SRCIN1: variants seen among roughly 807,000 people sequenced by gnomAD.
SRCIN1 encodes SRC kinase signaling inhibitor 1, also known as P130Cas-associated protein.
Under a neutral mutation model 116.2 loss-of-function variants are expected in SRCIN1, and 50 were observed. The ratio of observed to expected loss-of-function variants is 0.43; its 90% CI spans 0.34 to 0.54. The LOEUF (loss-of-function observed/expected upper bound fraction) is 0.54, where lower values mean the gene tolerates loss of function less well. Ranked by LOEUF, SRCIN1 falls within the 20% of genes least tolerant of loss-of-function variation. SRCIN1 has a pLI of 0.02. For missense variants in SRCIN1, 1,446 were observed against 1,672.0 expected (o/e 0.86, Z 2.36); for synonymous variants, 736 against 750.0 (o/e 0.98, Z 0.30).
At position 38,533,227 on chromosome 17, in the gene SRCIN1, T is replaced by A. The variant is rs1005655669; in HGVS notation, c.*70A>T. The A allele has an allele frequency of 7.1e-7, 1 of 1,418,090 alleles. No individual in the cohort carries two copies. 87.8% of individuals were successfully genotyped at this position (1,418,090 alleles called of 1,614,324 possible). On this transcript the variant is annotated 3_prime_UTR_variant, in exon 19 of 19. Coordinates refer to ENST00000617146, the MANE Select transcript of SRCIN1 (RefSeq NM_025248.3). ...AGAGTAGGGTGGGGTGGGGTGGAGA[T>A]GAAGGAAGAGAGGGGAGAAATGGCA...
At chr17:38,538,074 T>C (rs1904501875) in intron 18 of SRCIN1, among the ~76,000 whole-genome samples, 2 of 151,236 alleles carry the variant, frequency 1.3e-5, no homozygotes, top group Non-Finnish European at 2.9e-5. Flanking sequence ...CACTCCAGCC[T>C]GGGTGACAGA....
intron 1 of SRCIN1, among the ~76,000 whole-genome samples, chr17:38,583,615 C>T (rs760212874): frequency 6.0e-4 from 82 of 136,876 alleles, no homozygotes; most frequent in Admixed American, 1.1e-3. Context: ...TGCAATGGTG[C>T]GATCTCGGCT....
rs770179892 is a variant in SRCIN1, at chr17:38,559,710, C to CCGAGGG, written c.1894_1899dup (p.Pro632_Ser633dup). The CCGAGGG allele has an allele frequency of 6.3e-6, 10 of 1,582,008 alleles. No homozygotes were observed. The South Asian group carries it at 1.1e-4, about 18-fold the overall frequency. On this transcript the variant is annotated inframe_insertion, in exon 10 of 19. Coordinates refer to ENST00000617146, the MANE Select transcript of SRCIN1 (RefSeq NM_025248.3). ...GGCTGACCTGCGGGGGTGCTGCTGG[C>CCGAGGG]CGAGGGCGGGGGCGGGCCGGACACC...
intron 1 of SRCIN1, among the ~76,000 whole-genome samples, chr17:38,580,326 T>A (rs1233319641): frequency 6.6e-6 from 1 of 151,964 alleles, no homozygotes; most frequent in African/African-American, 2.4e-5. Flanking sequence ...CCCTGGGCAA[T>A]GGTTGGGTTG....
chr17:38,549,192 C>T lies in SRCIN1; in HGVS notation c.2981G>A (p.Arg994Gln). Residue 994 changes from arginine to glutamine, a missense_variant, in exon 16 of 19, where the codon CGA becomes CAA. Physicochemically the swap from Arg to Gln is conservative, Grantham distance 43 (BLOSUM62 1). Coordinates refer to ENST00000617146, the MANE Select transcript of SRCIN1 (RefSeq NM_025248.3). ...RRGSDELTVP[R>Q]YRTEKPSKSP... ...CTTGGAGGGCTTCTCTGTGCGGTATCGGGGCACGGTCAACTCATCTGCAGG... is the reference window on the plus strand; with the variant it reads ...CTTGGAGGGCTTCTCTGTGCGGTATTGGGGCACGGTCAACTCATCTGCAGG... The T allele has an allele frequency of 3.9e-6, 6 of 1,548,998 alleles. No homozygotes were observed. The highest frequency in any genetic ancestry group is 3.7e-5 in the South Asian group (3 of 82,170).
chr17:38,533,095 T>TAAAAAAAAAA lies in SRCIN1; in HGVS notation c.*192_*201dup, dbSNP rs79154508. On this transcript the variant is annotated 3_prime_UTR_variant, in exon 19 of 19. Transcript: ENST00000617146. The stretch of plus-strand genomic sequence containing the variant: ...AAAAAGATAATTAAAAGTTAATTGT[T>TAAAAAAAAAA]AAAAAAAAAAAAAAAAACAAAACCA... 7.7e-6 allele frequency: 2 copies of TAAAAAAAAAA among 260,652 alleles called. No individual in the cohort carries two copies. The highest frequency in any genetic ancestry group is 1.3e-5 in the Non-Finnish European group (2 of 157,254). The allele number at this position is 260,652 out of a possible 1,614,324, so 16.1% of individuals were successfully genotyped here. A position where few individuals can be genotyped will look rare whatever the true frequency, so the allele number is the denominator to read the frequency against.
intron 1 of SRCIN1, among the ~76,000 whole-genome samples, chr17:38,582,075 CAGA>C (rs1278130608): frequency 6.6e-6 from 1 of 152,192 alleles, no homozygotes; most frequent in Non-Finnish European, 1.5e-5. Flanking sequence ...CTGCCTGAGC[CAGA>C]AGGACCCCTG....
chr17:38,559,642 G>A lies in SRCIN1; in HGVS notation c.1968C>T (p.Gly656=). The part of the protein sequence containing the change: ...SRLQMQLHLR[G]LQNSASDLRG... ...GCAAGTCACTGGCGCTGTTCTGCAG[G>A]CCTCGCAGGTGAAGCTGCATCTGCA... Residue 656 remains glycine, a synonymous_variant, in exon 10 of 19, where the codon GGC becomes GGT. Transcript: ENST00000617146. 2 of 1,603,138 alleles carry A rather than the reference G, an allele frequency of 1.2e-6. No homozygotes were observed. The highest frequency in any genetic ancestry group is 1.1e-5 in the South Asian group (1 of 90,938).
chr17:38,569,100 T>A (rs965570375), intron 2 of SRCIN1, among the ~76,000 whole-genome samples: 4 of 152,020 alleles, frequency 2.6e-5, no homozygotes, highest in African/African-American at 9.7e-5. Flanking sequence ...GACTGGGGAC[T>A]GTGGCTGGCT....
At chr17:38,569,234 A>G (rs183628402) in intron 2 of SRCIN1, among the ~76,000 whole-genome samples, 1 of 152,336 alleles carries the variant, frequency 6.6e-6, no homozygotes, top group East Asian at 1.9e-4. Flanking sequence ...AGGCCCTTCC[A>G]GATGGCTTAG....
rs1222371283 is a variant in SRCIN1 at position 38,563,151 on chromosome 17, G to A, written c.740+172C>T. Among the ~76,000 whole-genome samples the A allele has an allele frequency of 7.9e-5, 12 of 152,200 alleles. No individual in the cohort carries two copies. Among genetic ancestry groups the A allele is most frequent in the Admixed American group, 7.2e-4 (11 of 15,284 alleles). Reference sequence around the variant, plus strand: ...AACCAGCAGGGGTGGACGATTTAGGGGGTGGGGGCTGAGATGGCCGAGGAA... The same window carrying A: ...AACCAGCAGGGGTGGACGATTTAGGAGGTGGGGGCTGAGATGGCCGAGGAA... On this transcript the variant is annotated intron_variant, in intron 5 of 18. Coordinates refer to ENST00000617146, the MANE Select transcript of SRCIN1 (RefSeq NM_025248.3). The surrounding 1 kb of genome is among the most constrained non-coding windows in gnomAD (Gnocchi z 5.8).
At chr17:38,588,116 A>ACAGGCAG (rs1160034312) in intron 1 of SRCIN1, among the ~76,000 whole-genome samples, 33 of 152,062 alleles carry the variant, frequency 2.2e-4, no homozygotes, top group Admixed American at 2.1e-3. Context: ...GCAACAGGCA[A>ACAGGCAG]CAGGCAACAG....
Position 38,562,145 on chromosome 17 carries a change from A to G in SRCIN1, c.1018T>C (p.Tyr340His). Residue 340 changes from tyrosine (Y) to histidine (H), a missense_variant, in exon 7 of 19, where the codon TAC becomes CAC. Tyr to His is a moderately conservative substitution (Grantham distance 83). This residue lies in a region of SRCIN1 where 239 missense variants were observed against 317.7 expected (regional missense o/e 0.75). Coordinates refer to ENST00000617146, the MANE Select transcript of SRCIN1 (RefSeq NM_025248.3). This position sits in a 1 kb window ranked among gnomAD's most constrained non-coding sequence, Gnocchi z 4.2. ...LSYAGGRPPSYAGSPVHHAAE... is the reference protein window; with the variant it reads ...LSYAGGRPPSHAGSPVHHAAE... ...GCGTGGTGCACCGGGCTGCCGGCGT[A>G]CGAAGGCGGGCGCCCCCCGGCGTAC... The G allele has an allele frequency of 7.3e-7, 1 of 1,367,492 alleles. No homozygotes were observed. Among genetic ancestry groups the G allele is most frequent in the Non-Finnish European group, 9.4e-7 (1 of 1,068,356 alleles). 84.7% of individuals were successfully genotyped at this position (1,367,492 alleles called of 1,614,324 possible).
chr17:38,553,163 G>A (rs1250008146), intron 11 of SRCIN1, among the ~76,000 whole-genome samples: 3 of 152,168 alleles, frequency 2.0e-5, no homozygotes, highest in African/African-American at 7.2e-5. Context: ...GGCTAAGGCA[G>A]GGGGAATCAC....
chr17:38,605,651 G>T, intron 1 of SRCIN1, 33 bp downstream of exon 1: 1 of 1,398,554 alleles, frequency 7.2e-7, no homozygotes, highest in Non-Finnish European at 9.4e-7. Context: ...TAAGCATGGA[G>T]GCACATTAGG....
At position 38,604,014 on chromosome 17, in the gene SRCIN1, GCCACCAGTGGCGACAGC is replaced by G. The variant is rs1292497328; in HGVS notation, c.22+1653_22+1669del. On this transcript the variant is annotated intron_variant, in intron 1 of 18. Transcript: ENST00000617146. This position sits in a 1 kb window ranked among gnomAD's most constrained non-coding sequence, Gnocchi z 4.3. Reference sequence around the variant, plus strand: ...ACCAGAAACCACCACCATCACAGCTGCCACCAGTGGCGACAGCCTCACAATCTCCATCAAATGCATCA... The same window carrying G: ...ACCAGAAACCACCACCATCACAGCTGCTCACAATCTCCATCAAATGCATCA... Among the ~76,000 whole-genome samples, 1 of 152,098 alleles carries G rather than the reference GCCACCAGTGGCGACAGC, an allele frequency of 6.6e-6. No homozygotes were observed. Among genetic ancestry groups the G allele is most frequent in the Non-Finnish European group, 1.5e-5 (1 of 68,006 alleles).
rs1025166403 is a variant in SRCIN1, at chr17:38,532,079, G to C, written c.*1218C>G. 1.3e-5 allele frequency: 2 copies of C among 152,294 alleles called. No homozygotes were observed. Among genetic ancestry groups the C allele is most frequent in the African/African-American group, 4.8e-5 (2 of 41,460 alleles). The allele number at this position is 152,294 out of a possible 1,614,324, so 9.4% of individuals were successfully genotyped here. ...GCGGCACTGCCAACCGCCTCTGCAG[G>C]GCAGGCAGGGCGTCCACAGGCCAGG... On this transcript the variant is annotated 3_prime_UTR_variant, in exon 19 of 19. Transcript: ENST00000617146. The surrounding 1 kb of genome is among the most constrained non-coding windows in gnomAD (Gnocchi z 4.3).
intron 1 of SRCIN1, among the ~76,000 whole-genome samples, chr17:38,600,147 A>T (rs1033587271): frequency 1.3e-5 from 2 of 152,088 alleles, no homozygotes; most frequent in Non-Finnish European, 2.9e-5. Flanking sequence ...CTCTTGCTGC[A>T]TTTCCTCTGG....
At position 38,544,061 on chromosome 17, in the gene SRCIN1, A is replaced by G; in HGVS notation, c.3271-92T>C. 6.9e-7 allele frequency: 1 copy of G among 1,439,190 alleles called. No homozygotes were observed. The highest frequency in any genetic ancestry group is 1.4e-5 in the African/African-American group (1 of 70,646). The allele number at this position is 1,439,190 out of a possible 1,614,324, so 89.2% of individuals were successfully genotyped here. A position where few individuals can be genotyped will look rare whatever the true frequency, so the allele number is the denominator to read the frequency against. On this transcript the variant is annotated intron_variant, in intron 17 of 18. Coordinates refer to ENST00000617146, the MANE Select transcript of SRCIN1 (RefSeq NM_025248.3). The surrounding 1 kb of genome is among the most constrained non-coding windows in gnomAD (Gnocchi z 4.5). ...CACTGGGTGGGGTCTCGGGGCTGGGACCTCCTCAGTGGGGCCCTTTGAGAC... is the reference window on the plus strand; with the variant it reads ...CACTGGGTGGGGTCTCGGGGCTGGGGCCTCCTCAGTGGGGCCCTTTGAGAC...
Sources: allele counts gnomAD v4.1 joint callset (sites outside exome capture counted in the v4.1 genomes callset), GRCh38; gene constraint gnomAD v4.1.1; regional missense constraint gnomAD v4.1.1; non-coding constraint Gnocchi (gnomAD v3.1); transcripts MANE v1.5; gene names NCBI Gene and HGNC (gene_info 2026-07-23, HGNC 2026-07-21).